The following CD200R1 variants were observed in gnomAD, a reference collection of about 807,000 sequenced individuals.
CD200R1 encodes the protein CD200 receptor 1, also known as cell surface glycoprotein CD200 receptor 1.
Under a neutral mutation model 38.1 loss-of-function variants are expected in CD200R1, and 30 were observed. The ratio of observed to expected loss-of-function variants is 0.79; its 90% CI spans 0.59 to 1.07. CD200R1 has a LOEUF of 1.07. CD200R1 is among the 50% of genes least tolerant of loss of function. The pLI is 0.00. For synonymous variants in CD200R1, 128 were observed against 152.1 expected, an observed-to-expected ratio of 0.84 and a Z score of 1.16; for missense variants, 372 against 415.4, an observed-to-expected ratio of 0.90 and a Z score of 0.91.
chr3:112,968,703 A>G (rs1348596003), intron 1 of CD200R1, among the ~76,000 whole-genome samples: 2 of 152,224 alleles, frequency 1.3e-5, no homozygotes, highest in Admixed American at 6.5e-5. Context: ...GAGTCAGAGT[A>G]AAAGAGTTCC....
At chr3:112,930,685 C>A (rs561432876) in intron 3 of CD200R1, among the ~76,000 whole-genome samples, 16 of 152,296 alleles carry the variant, frequency 1.1e-4, no homozygotes, top group Admixed American at 7.8e-4. Flanking sequence ...AGGGGCAAAC[C>A]TTTATGTGGG....
chr3:112,956,486 CTCTGTCAGGCTA>C (rs1307873640), intron 1 of CD200R1, among the ~76,000 whole-genome samples: 1 of 151,986 alleles, frequency 6.6e-6, no homozygotes, highest in Non-Finnish European at 1.5e-5. Context: ...ATTTTGAGCT[CTCTGTCAGGCTA>C]TTCATACATC....
chr3:112,925,326 A>C, intron 5 of CD200R1, 133 bp from the exon 6 acceptor site: 1 of 565,234 alleles, frequency 1.8e-6, no homozygotes, highest in Non-Finnish European at 3.2e-6. Flanking sequence ...TATGTTACTA[A>C]GTGAAACATG....
chr3:112,942,909 G>C (rs1339664302), intron 2 of CD200R1, among the ~76,000 whole-genome samples: 1 of 151,564 alleles, frequency 6.6e-6, no homozygotes, highest in African/African-American at 2.4e-5. Flanking sequence ...TAATATATGA[G>C]TCAATTCTCC....
At chr3:112,955,147 G>A (rs768030696) in intron 1 of CD200R1, among the ~76,000 whole-genome samples, 1 of 152,196 alleles carries the variant, frequency 6.6e-6, no homozygotes. Context: ...TCACAAAGTG[G>A]TCTAACATAT....
chr3:112,952,497 GA>G (rs1445497396), intron 1 of CD200R1, among the ~76,000 whole-genome samples: 1 of 152,124 alleles, frequency 6.6e-6, no homozygotes, highest in Non-Finnish European at 1.5e-5. Context: ...GGACATGGAT[GA>G]AATTGGAAAT....
intron 1 of CD200R1, among the ~76,000 whole-genome samples, chr3:112,956,183 G>A (rs1170357201): frequency 6.6e-6 from 1 of 151,722 alleles, no homozygotes; most frequent in Non-Finnish European, 1.5e-5. Flanking sequence ...CAAATCCTGT[G>A]AGCCTTCTTC....
At chr3:112,960,652 T>C (rs917503028) in intron 1 of CD200R1, among the ~76,000 whole-genome samples, 63 of 152,024 alleles carry the variant, frequency 4.1e-4, no homozygotes, top group Non-Finnish European at 7.4e-4. Context: ...AAACACATGA[T>C]AAAATGTAAA....
Position 112,931,181 on chromosome 3 carries a change from AT to A in CD200R1, c.137-11del. On this transcript the variant is annotated splice_polypyrimidine_tract_variant and intron_variant, in intron 2 of 7. Transcript: ENST00000308611. Reference sequence around the variant, plus strand: ...CATAAACTGCTTGAAGCTAGAAAATATTTAGAGAAGAATAAATGAAATCAAT... The same window carrying A: ...CATAAACTGCTTGAAGCTAGAAAATATTAGAGAAGAATAAATGAAATCAAT... 2 of 1,550,154 alleles carry A rather than the reference AT, an allele frequency of 1.3e-6. No individual in the cohort carries two copies. The highest frequency in any genetic ancestry group is 1.8e-6 in the Non-Finnish European group (2 of 1,121,806).
chr3:112,953,252 C>G (rs1329064134), intron 1 of CD200R1, among the ~76,000 whole-genome samples: 1 of 152,090 alleles, frequency 6.6e-6, no homozygotes, highest in South Asian at 2.1e-4. Flanking sequence ...TGTGATGTCT[C>G]ATGTTTATTG....
At chr3:112,959,151 G>A (rs1244631765) in intron 1 of CD200R1, among the ~76,000 whole-genome samples, 2 of 151,892 alleles carry the variant, frequency 1.3e-5, no homozygotes, top group Admixed American at 6.6e-5. Context: ...CCCCTAATTC[G>A]GTAACTATTA....
intron 1 of CD200R1, among the ~76,000 whole-genome samples, chr3:112,964,287 C>A (rs1315951808): frequency 1.3e-5 from 2 of 152,162 alleles, no homozygotes; most frequent in Non-Finnish European, 2.9e-5. Context: ...ACTCCAGACC[C>A]CAGAATGGTA....
intron 2 of CD200R1, among the ~76,000 whole-genome samples, chr3:112,946,034 A>AAC (rs1389496742): frequency 6.8e-5 from 10 of 147,876 alleles, no homozygotes; most frequent in Non-Finnish European, 1.4e-4. Context: ...CTCCGTCTCA[A>AAC]AAAAAAAAAA....
chr3:112,932,323 T>C (rs1455334652), intron 2 of CD200R1, among the ~76,000 whole-genome samples: 1 of 151,840 alleles, frequency 6.6e-6, no homozygotes, highest in African/African-American at 2.4e-5. Flanking sequence ...GGGAAACCAA[T>C]CCCCTCTCCC....
At chr3:112,962,201 G>T (rs76052253) in intron 1 of CD200R1, among the ~76,000 whole-genome samples, 2,886 of 151,970 alleles carry the variant, frequency 0.019, 96 homozygotes, top group African/African-American at 0.066. Context: ...GTATTTTTTT[G>T]AGGCAATTAC....
chr3:112,953,811 T>C (rs1242051542), intron 1 of CD200R1, among the ~76,000 whole-genome samples: 1 of 152,140 alleles, frequency 6.6e-6, no homozygotes. Flanking sequence ...TTCATTCTCA[T>C]TTTATGGATG....
At position 112,929,199 on chromosome 3, in the gene CD200R1, G is replaced by A. The variant is rs199501896; in HGVS notation, c.511C>T (p.Gln171Ter). The A allele has an allele frequency of 1.9e-5, 30 of 1,614,142 alleles. No individual in the cohort carries two copies. In the East Asian group the frequency reaches 6.5e-4, roughly 35 times the overall value. Residue 171 changes from glutamine (Q) to a stop codon, truncating the protein, a stop_gained, in exon 4 of 8, where the codon CAA becomes TAA. Coordinates refer to ENST00000308611, the MANE Select transcript of CD200R1 (RefSeq NM_138806.4). LOFTEE classifies it high-confidence loss of function. ...DGNFHRGYHL[Q>*]VLVTPEVTLF... ...ATATGATGCTCCTTACCTAACACTTGGAGGTGATATCCACGATGGAAATTC... is the reference window on the plus strand; with the variant it reads ...ATATGATGCTCCTTACCTAACACTTAGAGGTGATATCCACGATGGAAATTC...
chr3:112,934,356 C>T (rs908331590), intron 2 of CD200R1, among the ~76,000 whole-genome samples: 2 of 151,794 alleles, frequency 1.3e-5, no homozygotes, highest in East Asian at 3.9e-4. Flanking sequence ...AAGAAAATAA[C>T]TGTCAGTGAA....
At position 112,923,296 on chromosome 3, in the gene CD200R1, T is replaced by C. The variant is rs184877816; in HGVS notation, c.*381A>G. The C allele has an allele frequency of 6.2e-6, 1 of 160,152 alleles. No homozygotes were observed. Among genetic ancestry groups the C allele is most frequent in the East Asian group, 1.9e-4 (1 of 5,296 alleles). 9.9% of individuals were successfully genotyped at this position (160,152 alleles called of 1,614,324 possible). A position where few individuals can be genotyped will look rare whatever the true frequency, so the allele number is the denominator to read the frequency against. ...GACACATAAATTGACACATATACCA[T>C]AGGCATATACACATGTCATATGTAC... On this transcript the variant is annotated 3_prime_UTR_variant, in exon 8 of 8. Coordinates refer to ENST00000308611, the MANE Select transcript of CD200R1 (RefSeq NM_138806.4).
Sources: gnomAD v4.1 joint callset for allele counts (sites outside exome capture counted in the v4.1 genomes callset) on GRCh38, gnomAD v4.1.1 for gene constraint, MANE v1.5 for transcripts, NCBI Gene and HGNC (gene_info 2026-07-23, HGNC 2026-07-21) for gene names.